ZFHX3: variants seen among roughly 807,000 people sequenced by gnomAD.
The protein encoded by ZFHX3 is zinc finger homeobox 3.
In ZFHX3, 42 loss-of-function variants were observed where a neutral mutation model predicts 279.1. That is an observed-to-expected ratio of 0.15 (90% CI 0.12 to 0.19). The LOEUF is 0.19. Among genes scored for constraint, ZFHX3 ranks in the 10% least tolerant of loss-of-function variants. ZFHX3 has a pLI of 1.00. For synonymous variants in ZFHX3, 2,293 were observed against 1,957.8 expected (o/e 1.17, Z -4.52); for missense variants, 4,981 against 4,754.0 (o/e 1.05, Z -1.40).
rs9930878 is a variant in ZFHX3 at position 73,623,301 on chromosome 16, A to T, written c.-1547+56879T>A. ...TCCGCCCGCCTCGGCCTCCCAAAGC[A>T]CTGGGATTACAGGCTTGAGCCACTG... On this transcript the variant is annotated intron_variant, in intron 2 of 17. Transcript: ENST00000641206. Among the ~76,000 whole-genome samples, 2 of 152,258 alleles carry T rather than the reference A, an allele frequency of 1.3e-5. 1 individual carries two copies. The highest frequency in any genetic ancestry group is 3.9e-4 in the East Asian group (2 of 5,162).
At chr16:73,090,048 C>CT (rs567149541) in intron 8 of ZFHX3, among the ~76,000 whole-genome samples, 9 of 152,200 alleles carry the variant, frequency 5.9e-5, no homozygotes, top group African/African-American at 1.9e-4. Context: ...GGCTGAGGCA[C>CT]TTTTTTTCCT....
chr16:72,909,087 G>C (rs765421660), intron 3 of ZFHX3, among the ~76,000 whole-genome samples: 1 of 152,114 alleles, frequency 6.6e-6, no homozygotes, highest in Non-Finnish European at 1.5e-5. Flanking sequence ...AAATTCTTAC[G>C]ATCACAGAAA....
intron 1 of ZFHX3, among the ~76,000 whole-genome samples, chr16:73,027,550 C>G (rs1264683077): frequency 1.3e-5 from 2 of 152,324 alleles, no homozygotes; most frequent in East Asian, 1.9e-4. Context: ...AACGCATGCT[C>G]TAGCCACAGC....
intron 2 of ZFHX3, among the ~76,000 whole-genome samples, chr16:73,653,966 C>T (rs1291750606): frequency 2.0e-5 from 3 of 151,890 alleles, no homozygotes; most frequent in African/African-American, 4.8e-5. Flanking sequence ...GGGTGGATCA[C>T]GAGGTCAGGA....
chr16:73,532,015 G>C (rs534692449), intron 2 of ZFHX3, among the ~76,000 whole-genome samples: 1 of 152,042 alleles, frequency 6.6e-6, no homozygotes, highest in East Asian at 1.9e-4. Context: ...CTGAGCCCAT[G>C]AGTTGGAGGT....
intron 1 of ZFHX3, among the ~76,000 whole-genome samples, chr16:73,690,290 G>T (rs777289746): frequency 4.6e-5 from 7 of 152,156 alleles, no homozygotes; most frequent in African/African-American, 1.4e-4. Flanking sequence ...TCGTATCTTA[G>T]CATCCATGTA....
chr16:73,507,175 T>G (rs2019341643), intron 2 of ZFHX3, among the ~76,000 whole-genome samples: 1 of 152,228 alleles, frequency 6.6e-6, no homozygotes. Context: ...ACACTCTGAT[T>G]CAGGTGTTTT....
chr16:73,881,424 T>C (rs569258330), intron 1 of ZFHX3, among the ~76,000 whole-genome samples: 27 of 138,118 alleles, frequency 2.0e-4, no homozygotes, highest in African/African-American at 7.2e-4. Context: ...TTGCTGGTAA[T>C]GATCACACTC....
chr16:72,838,179 G>A (rs1482655267), intron 4 of ZFHX3, among the ~76,000 whole-genome samples: 5 of 152,124 alleles, frequency 3.3e-5, no homozygotes, highest in Non-Finnish European at 7.3e-5. Context: ...TTGGCATCAG[G>A]CTCTAAGAAT....
chr16:73,608,627 T>C (rs1597025553), intron 2 of ZFHX3: 2 of 152,296 alleles, frequency 1.3e-5, no homozygotes, highest in East Asian at 1.9e-4. Context: ...TCAGGAGAAA[T>C]GCGTTCTCGT....
intron 3 of ZFHX3, among the ~76,000 whole-genome samples, chr16:73,363,881 G>T (rs1004682378): frequency 2.0e-5 from 3 of 152,220 alleles, no homozygotes; most frequent in African/African-American, 7.2e-5. Context: ...AGAACTGTAG[G>T]TAGCTACAGT....
At chr16:72,815,293 A>G (rs2036573826) in intron 5 of ZFHX3, among the ~76,000 whole-genome samples, 1 of 151,894 alleles carries the variant, frequency 6.6e-6, no homozygotes, top group African/African-American at 2.4e-5. Flanking sequence ...TTATAGTCCT[A>G]GCTACTCAGG....
chr16:73,102,705 C>A (rs563472528), intron 7 of ZFHX3, among the ~76,000 whole-genome samples: 3 of 152,272 alleles, frequency 2.0e-5, no homozygotes, highest in African/African-American at 7.2e-5. Context: ...GGTGAGAACC[C>A]CAGCTCTATC....
At chr16:73,415,835 T>C (rs2017561374) in intron 3 of ZFHX3, among the ~76,000 whole-genome samples, 1 of 151,888 alleles carries the variant, frequency 6.6e-6, no homozygotes, top group African/African-American at 2.4e-5. Context: ...GAAGAGAAAA[T>C]GGGGCTGGGC....
intron 3 of ZFHX3, among the ~76,000 whole-genome samples, chr16:73,364,871 C>T (rs1267629499): frequency 6.6e-6 from 1 of 152,200 alleles, no homozygotes; most frequent in African/African-American, 2.4e-5. Flanking sequence ...CATGGATTTG[C>T]TTCCTGTGCC....
intron 2 of ZFHX3, among the ~76,000 whole-genome samples, chr16:73,596,783 G>C (rs1338122074): frequency 6.6e-6 from 1 of 152,094 alleles, no homozygotes; most frequent in Non-Finnish European, 1.5e-5. Context: ...GGTAAGGAAC[G>C]TCACTATAAC....
chr16:72,850,220 CCTA>C (rs2037582079), intron 4 of ZFHX3, among the ~76,000 whole-genome samples: 1 of 152,180 alleles, frequency 6.6e-6, no homozygotes, highest in African/African-American at 2.4e-5. Flanking sequence ...CACAGTCACA[CCTA>C]CTGTCACACC....
intron 2 of ZFHX3, among the ~76,000 whole-genome samples, chr16:73,463,034 A>G (rs1360721073): frequency 6.6e-6 from 1 of 152,076 alleles, no homozygotes; most frequent in African/African-American, 2.4e-5. Context: ...CTTTTCTGAT[A>G]CTCCAACTCC....
intron 3 of ZFHX3, among the ~76,000 whole-genome samples, chr16:73,392,091 A>C (rs1225789481): frequency 6.6e-6 from 1 of 152,074 alleles, no homozygotes; most frequent in Non-Finnish European, 1.5e-5. Flanking sequence ...TCACAGTGGG[A>C]AGTCAGTAGA....
Sources: allele counts gnomAD v4.1 joint callset (sites outside exome capture counted in the v4.1 genomes callset), GRCh38; gene constraint gnomAD v4.1.1; transcripts MANE v1.5; gene names NCBI Gene and HGNC (gene_info 2026-07-23, HGNC 2026-07-21).